MGMT: variants seen among roughly 807,000 people sequenced by gnomAD.
MGMT encodes the protein O-6-methylguanine-DNA methyltransferase, also known as methylated-DNA--protein-cysteine methyltransferase.
In MGMT, 14 loss-of-function variants were observed where a neutral mutation model predicts 15.9. That is an observed-to-expected ratio of 0.88 (90% confidence interval 0.58 to 1.37). MGMT has a LOEUF of 1.37. Among genes scored for constraint, MGMT ranks in the 40% most tolerant of loss-of-function variants. The pLI, the probability that MGMT is intolerant of heterozygous loss-of-function variation, is 0.00. For synonymous variants in MGMT, 130 were observed against 118.2 expected (o/e 1.10, Z -0.65); for missense variants, 282 against 268.1 (o/e 1.05, Z -0.36).
intron 2 of MGMT, among the ~76,000 whole-genome samples, chr10:129,537,524 T>C (rs1361023104): frequency 6.6e-6 from 1 of 152,160 alleles, no homozygotes; most frequent in Non-Finnish European, 1.5e-5. Context: ...TCTTTTAGCA[T>C]GTTCAGTTGC....
intron 2 of MGMT, among the ~76,000 whole-genome samples, chr10:129,624,368 G>T (rs1337940787): frequency 6.6e-6 from 1 of 152,208 alleles, no homozygotes; most frequent in Non-Finnish European, 1.5e-5. Flanking sequence ...CCTGCAGCCT[G>T]TTGGACCCCG....
At chr10:129,685,496 G>A (rs974396750) in intron 2 of MGMT, among the ~76,000 whole-genome samples, 1 of 152,162 alleles carries the variant, frequency 6.6e-6, no homozygotes, top group Non-Finnish European at 1.5e-5. Context: ...TCCCCGAGCC[G>A]TGGAGGTGAG....
chr10:129,646,754 A>ATATATATATATATATATATTTTTTTTTTT, intron 2 of MGMT, among the ~76,000 whole-genome samples: 7 of 86,640 alleles, frequency 8.1e-5, no homozygotes, highest in South Asian at 6.7e-4. Context: ...ATATATATAT[A>ATATATATATATATATATATTTTTTTTTTT]TTTTCAGGGA....
intron 2 of MGMT, among the ~76,000 whole-genome samples, chr10:129,644,368 GC>G (rs1261121555): frequency 8.5e-5 from 13 of 152,370 alleles, no homozygotes; most frequent in African/African-American, 2.2e-4. Flanking sequence ...AGTCCAGGGT[GC>G]TGGGTGGCCT....
chr10:129,695,345 A>C (rs1848017909), intron 2 of MGMT, among the ~76,000 whole-genome samples: 1 of 152,228 alleles, frequency 6.6e-6, no homozygotes, highest in South Asian at 2.1e-4. Context: ...GTTTCATAAT[A>C]GGGAACTATC....
chr10:129,520,682 G>A (rs530012712), intron 1 of MGMT, among the ~76,000 whole-genome samples: 2 of 151,468 alleles, frequency 1.3e-5, no homozygotes, highest in Admixed American at 6.6e-5. Flanking sequence ...GAGCCCCTAC[G>A]GTGCGGGTAC....
At chr10:129,492,281 C>A (rs888810133) in intron 1 of MGMT, among the ~76,000 whole-genome samples, 1 of 152,102 alleles carries the variant, frequency 6.6e-6, no homozygotes, top group African/African-American at 2.4e-5. Context: ...TTTGGGAGAT[C>A]CCTTGGTTCT....
rs1177824060 is a variant in MGMT, at chr10:129,532,945, C to T, written c.-12-3296C>T. Among the ~76,000 whole-genome samples the T allele has an allele frequency of 6.6e-6, 1 of 152,222 alleles. No individual in the cohort carries two copies. Among genetic ancestry groups the T allele is most frequent in the Non-Finnish European group, 1.5e-5 (1 of 68,044 alleles). ...TGGGCAAACCCTTCCTCTCCCAGGC[C>T]GTCCCTTCCTGCAGCTGCTCGGACA... On this transcript the variant is annotated intron_variant, in intron 1 of 4. Coordinates refer to ENST00000651593, the MANE Select transcript of MGMT (RefSeq NM_002412.5). The surrounding 1 kb of genome is among the most constrained non-coding windows in gnomAD (Gnocchi z 5.3).
intron 2 of MGMT, among the ~76,000 whole-genome samples, chr10:129,541,678 C>G (rs1385205676): frequency 6.6e-6 from 1 of 152,118 alleles, no homozygotes; most frequent in Non-Finnish European, 1.5e-5. Context: ...GTTTTTCATT[C>G]TTTTATTTTT....
chr10:129,717,376 G>A (rs1373486301), intron 3 of MGMT, among the ~76,000 whole-genome samples: 1 of 152,218 alleles, frequency 6.6e-6, no homozygotes, highest in African/African-American at 2.4e-5. Context: ...TAAATAGCGT[G>A]TTCAGTAGCT....
At chr10:129,657,697 A>ACG (rs1554874776) in intron 2 of MGMT, among the ~76,000 whole-genome samples, 29 of 138,706 alleles carry the variant, frequency 2.1e-4, no homozygotes, top group African/African-American at 7.5e-4. Context: ...ACACACACAC[A>ACG]CACACACACG....
intron 2 of MGMT, among the ~76,000 whole-genome samples, chr10:129,674,027 T>A (rs972788433): frequency 2.0e-5 from 3 of 152,220 alleles, no homozygotes; most frequent in Non-Finnish European, 4.4e-5. Context: ...TCTTGGCTGT[T>A]GTAGGAAGGC....
intron 3 of MGMT, among the ~76,000 whole-genome samples, chr10:129,733,523 G>C (rs1473861215): frequency 6.7e-6 from 1 of 150,030 alleles, no homozygotes; most frequent in Non-Finnish European, 1.5e-5. Context: ...TGTTCACTCT[G>C]ATGGTAGTTT....
chr10:129,770,950 C>G lies in MGMT; in HGVS notation c.*3953C>G, dbSNP rs927715457. On this transcript the variant is annotated 3_prime_UTR_variant, in exon 5 of 5. Coordinates refer to ENST00000651593, the MANE Select transcript of MGMT (RefSeq NM_002412.5). ...TTTTTTTCTTTCTTTCTTTCCTGTTCATGGGCATTTGATTAAAAGTTTGTG... is the reference window on the plus strand; with the variant it reads ...TTTTTTTCTTTCTTTCTTTCCTGTTGATGGGCATTTGATTAAAAGTTTGTG... 1.9e-4 allele frequency among the ~76,000 whole-genome samples: 29 copies of G among 151,912 alleles called. No homozygotes were observed. Among genetic ancestry groups the G allele is most frequent in the Non-Finnish European group, 2.6e-4 (18 of 67,994 alleles).
At chr10:129,481,720 G>A (rs1258973694) in intron 1 of MGMT, among the ~76,000 whole-genome samples, 1 of 151,976 alleles carries the variant, frequency 6.6e-6, no homozygotes, top group African/African-American at 2.4e-5. Context: ...TGAATTTATT[G>A]GCCTAAAGTT....
At chr10:129,474,500 G>A (rs1472276632) in intron 1 of MGMT, among the ~76,000 whole-genome samples, 1 of 152,174 alleles carries the variant, frequency 6.6e-6, no homozygotes, top group Non-Finnish European at 1.5e-5. Context: ...TGTGAGGGAA[G>A]CCAGATAAAG....
intron 2 of MGMT, among the ~76,000 whole-genome samples, chr10:129,603,607 G>GA (rs1846850671): frequency 6.6e-6 from 1 of 152,168 alleles, no homozygotes; most frequent in Non-Finnish European, 1.5e-5. Flanking sequence ...AGATAATACT[G>GA]AAACAATTGG....
chr10:129,682,114 C>T (rs1410028756), intron 2 of MGMT, among the ~76,000 whole-genome samples: 2 of 152,102 alleles, frequency 1.3e-5, no homozygotes, highest in East Asian at 3.9e-4. Context: ...CATCTGTTTC[C>T]ACAGGAACCG....
At chr10:129,589,463 A>G (rs1846656645) in intron 2 of MGMT, among the ~76,000 whole-genome samples, 1 of 152,246 alleles carries the variant, frequency 6.6e-6, no homozygotes, top group African/African-American at 2.4e-5. Context: ...TCTCAGTCGC[A>G]TTGTGGCTCA....
Sources: gnomAD v4.1 joint callset for allele counts (sites outside exome capture counted in the v4.1 genomes callset) on GRCh38, gnomAD v4.1.1 for gene constraint, Gnocchi (gnomAD v3.1) non-coding constraint, MANE v1.5 for transcripts, NCBI Gene and HGNC (gene_info 2026-07-23, HGNC 2026-07-21) for gene names.